PDE4D: variants seen among roughly 807,000 people sequenced by gnomAD.
PDE4D encodes the protein 3',5'-cyclic-AMP phosphodiesterase 4D.
A neutral mutation model predicts 87.4 loss-of-function variants in PDE4D; 24 were observed. The observed-to-expected ratio is 0.27, with a 90% CI of 0.20 to 0.39. The LOEUF is 0.39. PDE4D is among the 10% of genes least tolerant of loss of function. The pLI, the probability that PDE4D is intolerant of heterozygous loss-of-function variation, is 1.00. For missense variants in PDE4D, 714 were observed against 1,041.0 expected, an observed-to-expected ratio of 0.69 and a Z score of 4.32; for synonymous variants, 384 against 383.2, an observed-to-expected ratio of 1.00 and a Z score of -0.02.
chr5:60,312,025 G>A (rs1458800799), intron 1 of PDE4D, among the ~76,000 whole-genome samples: 1 of 152,092 alleles, frequency 6.6e-6, no homozygotes, highest in African/African-American at 2.4e-5. Context: ...ACCCAACACA[G>A]GAGCACCCAG....
intron 2 of PDE4D, among the ~76,000 whole-genome samples, chr5:60,167,143 C>T (rs992205687): frequency 6.6e-6 from 1 of 151,960 alleles, no homozygotes; most frequent in African/African-American, 2.4e-5. Flanking sequence ...ACTTTCTACT[C>T]CTTTGTTTTT....
At chr5:59,319,335 C>T (rs190471021) in intron 1 of PDE4D, among the ~76,000 whole-genome samples, 2 of 152,182 alleles carry the variant, frequency 1.3e-5, no homozygotes, top group East Asian at 3.9e-4. Flanking sequence ...GAAAAAAAGT[C>T]TACTCTCCTG....
chr5:60,396,985 G>T (rs1269754409), intron 1 of PDE4D, among the ~76,000 whole-genome samples: 1 of 152,148 alleles, frequency 6.6e-6, no homozygotes, highest in Non-Finnish European at 1.5e-5. Flanking sequence ...CCTCACAAAA[G>T]AAATTCTTCA....
intron 5 of PDE4D, among the ~76,000 whole-genome samples, chr5:59,138,920 A>T (rs1166271927): frequency 6.6e-6 from 1 of 152,218 alleles, no homozygotes; most frequent in Non-Finnish European, 1.5e-5. Context: ...TTATGAAAGT[A>T]TAGAGGAGGA....
intron 1 of PDE4D, among the ~76,000 whole-genome samples, chr5:59,551,371 G>T (rs1166070953): frequency 1.3e-5 from 2 of 150,254 alleles, no homozygotes; most frequent in Non-Finnish European, 3.0e-5. Flanking sequence ...TTTAAAGAAA[G>T]AATCTAACTT....
intron 1 of PDE4D, among the ~76,000 whole-genome samples, chr5:60,350,054 G>A (rs186806164): frequency 7.2e-5 from 11 of 152,244 alleles, no homozygotes; most frequent in African/African-American, 2.2e-4. Context: ...AGATTATAGG[G>A]AAGGATTTCA....
intron 1 of PDE4D, among the ~76,000 whole-genome samples, chr5:60,418,678 C>T (rs879802853): frequency 3.8e-4 from 58 of 152,120 alleles, no homozygotes; most frequent in Admixed American, 9.8e-4. Context: ...GAAATAATCA[C>T]ATCATAGAGA....
At chr5:60,355,169 T>TA (rs763165135) in intron 1 of PDE4D, among the ~76,000 whole-genome samples, 62 of 152,318 alleles carry the variant, frequency 4.1e-4, no homozygotes, top group Non-Finnish European at 1.9e-4. Flanking sequence ...AAAAATCCTG[T>TA]AAAAAGTAAA....
At chr5:58,983,273 G>A (rs7712725) in intron 11 of PDE4D, among the ~76,000 whole-genome samples, 124,120 of 152,284 alleles carry the variant, frequency 0.82, 50,751 homozygotes, top group Admixed American at 0.88. Flanking sequence ...CTTTCCATGC[G>A]ACCACATGTG....
rs1441933157 is a variant in PDE4D at position 59,453,518 on chromosome 5, C to A, written c.456-237550G>T. ...ATAAAAAGTGCTACTCCAGTGAATA[C>A]AAATGATAAGAAATTGAAACAGCCT... On this transcript the variant is annotated intron_variant, in intron 1 of 14. Transcript: ENST00000340635. Among the ~76,000 whole-genome samples, 11 of 152,188 alleles carry A rather than the reference C, an allele frequency of 7.2e-5. No homozygotes were observed. In the East Asian group the frequency reaches 2.1e-3, roughly 29 times the overall value.
At chr5:59,703,165 T>C (rs1752859483) in intron 1 of PDE4D, among the ~76,000 whole-genome samples, 2 of 152,182 alleles carry the variant, frequency 1.3e-5, no homozygotes, top group African/African-American at 2.4e-5. Context: ...TGGAAAAAAA[T>C]AACTTTAGAA....
At chr5:58,978,363 A>T (rs931667266) in intron 11 of PDE4D, among the ~76,000 whole-genome samples, 3 of 152,168 alleles carry the variant, frequency 2.0e-5, no homozygotes, top group African/African-American at 7.2e-5. Context: ...GCAGTGAGCC[A>T]TTATATCGTG....
intron 1 of PDE4D, among the ~76,000 whole-genome samples, chr5:60,410,663 G>T (rs1170299210): frequency 6.6e-6 from 1 of 152,180 alleles, no homozygotes; most frequent in Non-Finnish European, 1.5e-5. Flanking sequence ...ACACAAAGCA[G>T]ACACTATGAC....
At chr5:60,013,751 G>A (rs942132077) in intron 2 of PDE4D, among the ~76,000 whole-genome samples, 3 of 152,106 alleles carry the variant, frequency 2.0e-5, no homozygotes, top group African/African-American at 4.8e-5. Flanking sequence ...CTTGCCATAT[G>A]ACTTACTTTG....
chr5:60,452,855 T>G (rs779032500), intron 1 of PDE4D, among the ~76,000 whole-genome samples: 9 of 152,084 alleles, frequency 5.9e-5, no homozygotes, highest in Non-Finnish European at 1.2e-4. Context: ...CATTCAACTA[T>G]ACACACCCCA....
chr5:60,092,050 CAAAAAAAAAAAAAAA>C (rs66814905), intron 2 of PDE4D, among the ~76,000 whole-genome samples: 17 of 55,996 alleles, frequency 3.0e-4, no homozygotes, highest in South Asian at 1.0e-3. Context: ...AACTCCGTCT[CAAAAAAAAAAAAAAA>C]AAAAAAAAAA....
At chr5:59,733,311 A>C (rs1757638124) in intron 1 of PDE4D, among the ~76,000 whole-genome samples, 1 of 152,172 alleles carries the variant, frequency 6.6e-6, no homozygotes, top group African/African-American at 2.4e-5. Flanking sequence ...GGATACATGC[A>C]AAACGTGAGA....
chr5:60,265,222 C>A (rs561333556), intron 1 of PDE4D, among the ~76,000 whole-genome samples: 1 of 152,140 alleles, frequency 6.6e-6, no homozygotes, highest in Non-Finnish European at 1.5e-5. Flanking sequence ...GAGGACAATG[C>A]ACCCCACACA....
chr5:59,603,217 C>A (rs1224714935), intron 1 of PDE4D, among the ~76,000 whole-genome samples: 8 of 151,836 alleles, frequency 5.3e-5, no homozygotes, highest in Non-Finnish European at 1.0e-4. Context: ...GAAGAGACAG[C>A]CTACAGATTA....
Sources: gnomAD v4.1 joint callset for allele counts (sites outside exome capture counted in the v4.1 genomes callset) on GRCh38, gnomAD v4.1.1 for gene constraint, MANE v1.5 for transcripts, NCBI Gene and HGNC (gene_info 2026-07-23, HGNC 2026-07-21) for gene names.